Variants in STK17A observed in about 807,000 individuals in gnomAD.
STK17A encodes serine/threonine-protein kinase 17A.
A neutral mutation model predicts 43.7 loss-of-function variants in STK17A; 26 were observed. The ratio of observed to expected loss-of-function variants is 0.60; its 90% CI spans 0.44 to 0.83. The LOEUF (loss-of-function observed/expected upper bound fraction) is 0.83, where lower values mean the gene tolerates loss of function less well. Ranked by LOEUF, STK17A falls within the 40% of genes least tolerant of loss-of-function variation. The pLI is 0.00. For synonymous variants in STK17A, 191 were observed against 182.5 expected, an observed-to-expected ratio of 1.05 and a Z score of -0.38; for missense variants, 476 against 511.6, an observed-to-expected ratio of 0.93 and a Z score of 0.67.
At position 43,597,438 on chromosome 7, in the gene STK17A, G is replaced by C. The variant is rs116383434; in HGVS notation, c.419+1325G>C. On this transcript the variant is annotated intron_variant, in intron 2 of 6. Coordinates refer to ENST00000319357, the MANE Select transcript of STK17A (RefSeq NM_004760.3). ...ATTTTCACTCTTGTTGCCCAGACTG[G>C]AGTGCATTGGCACAATCTCGGCTTA... is the stretch of plus-strand genomic sequence containing the variant. Among the ~76,000 whole-genome samples, 1,342 of 151,990 alleles carry C rather than the reference G, an allele frequency of 8.8e-3. 16 individuals carry two copies. The highest frequency in any genetic ancestry group is 0.031 in the African/African-American group (1,289 of 41,426).
chr7:43,624,038 T>C, intron 6 of STK17A, 150 bp downstream of exon 6: 1 of 557,622 alleles, frequency 1.8e-6, no homozygotes, highest in South Asian at 5.3e-5. Flanking sequence ...AATGTTGACA[T>C]AAATCTAGGT....
At chr7:43,585,554 G>A (rs1445411183) in intron 1 of STK17A, among the ~76,000 whole-genome samples, 1 of 151,492 alleles carries the variant, frequency 6.6e-6, no homozygotes, top group African/African-American at 2.4e-5. Flanking sequence ...TGATATAAGA[G>A]CCTGGAACTG....
At chr7:43,609,339 TA>T (rs548885244) in intron 3 of STK17A, 299 of 152,428 alleles carry the variant, frequency 2.0e-3, no homozygotes, top group Admixed American at 5.0e-3. Flanking sequence ...TTGGAACCAG[TA>T]AGTGTGCTGG....
chr7:43,583,179 G>T lies in STK17A; in HGVS notation c.-65G>T. On this transcript the variant is annotated 5_prime_UTR_variant, in exon 1 of 7. Coordinates refer to ENST00000319357, the MANE Select transcript of STK17A (RefSeq NM_004760.3). ...CGGACCGGCACTAGGAGCCGGGGGCGGGTCCGTGACCCTCCGGCTGCTCGG... is the reference window on the plus strand; with the variant it reads ...CGGACCGGCACTAGGAGCCGGGGGCTGGTCCGTGACCCTCCGGCTGCTCGG... The T allele has an allele frequency of 6.6e-7, 1 of 1,510,272 alleles. No homozygotes were observed. The highest frequency in any genetic ancestry group is 8.9e-7 in the Non-Finnish European group (1 of 1,122,384). The allele number at this position is 1,510,272 out of a possible 1,614,324, so 93.6% of individuals were successfully genotyped here. A position where few individuals can be genotyped will look rare whatever the true frequency, so the allele number is the denominator to read the frequency against.
In STK17A at chr7:43,623,794, TCA is replaced by T; in HGVS notation, c.829_830del (p.Gln277AspfsTer7). 3.1e-6 allele frequency: 5 copies of T among 1,608,586 alleles called. No individual in the cohort carries two copies. Among genetic ancestry groups the T allele is most frequent in the Non-Finnish European group, 4.2e-6 (5 of 1,178,476 alleles). ...NDKQETFLNI[S>X]QMNLSYSEEE... is the part of the protein sequence containing the mutation. ...TAAACAAGAAACATTCTTAAACATCTCACAGATGAATTTAAGTTATTCTGAGG... is the reference window on the plus strand; with the variant it reads ...TAAACAAGAAACATTCTTAAACATCTCAGATGAATTTAAGTTATTCTGAGG... On this transcript the variant is annotated frameshift_variant, in exon 6 of 7. Transcript: ENST00000319357. LOFTEE classifies it high-confidence loss of function.
intron 3 of STK17A, among the ~76,000 whole-genome samples, chr7:43,618,679 C>T (rs978641403): frequency 4.6e-5 from 7 of 152,130 alleles, no homozygotes; most frequent in Non-Finnish European, 1.0e-4. Flanking sequence ...AATATATTTG[C>T]TTGTCTTTTT....
Position 43,608,372 on chromosome 7 carries a change from C to T in STK17A, c.536C>T (p.Thr179Ile). The change falls in exon 3 of 7, where the codon ACT becomes ATT. Residue 179 changes from threonine to isoleucine, a missense_variant. Thr to Ile is a moderately conservative substitution (Grantham distance 89, BLOSUM62 -1). Coordinates refer to ENST00000319357, the MANE Select transcript of STK17A (RefSeq NM_004760.3). ...TTAGAAGGTGTTCACTTTTTACACA[C>T]TCGTGATGTAGTTCATCTTGATTTG... ...QILEGVHFLHTRDVVHLDLKP... is the reference protein window; with the variant it reads ...QILEGVHFLHIRDVVHLDLKP... 1 of 1,608,940 alleles carries T rather than the reference C, an allele frequency of 6.2e-7. No homozygotes were observed. The highest frequency in any genetic ancestry group is 1.7e-5 in the Admixed American group (1 of 58,530).
rs2084316560 is a variant in STK17A, at chr7:43,624,777, A to G, written c.1180A>G (p.Ile394Val). The change falls in exon 7 of 7, where the codon ATT (isoleucine) becomes GTT (valine). Residue 394 changes from isoleucine to valine, a missense_variant. Transcript: ENST00000319357. ...SEKEKMEQKA[I>V]SKRFKFEEPL... is the part of the protein sequence containing the mutation. ...AAAAGAGAAAATGGAGCAAAAGGCC[A>G]TTTCCAAACGATTTAAATTTGAGGA... 1 of 1,612,390 alleles carries G rather than the reference A, an allele frequency of 6.2e-7. No individual in the cohort carries two copies.
intron 3 of STK17A, among the ~76,000 whole-genome samples, chr7:43,616,558 A>T (rs2083362929): frequency 6.6e-6 from 1 of 152,162 alleles, no homozygotes; most frequent in Non-Finnish European, 1.5e-5. Context: ...ATAATAGAAA[A>T]GGGTAGGAAG....
intron 2 of STK17A, among the ~76,000 whole-genome samples, chr7:43,602,065 C>T (rs1387053874): frequency 6.6e-6 from 1 of 152,180 alleles, no homozygotes; most frequent in Non-Finnish European, 1.5e-5. Context: ...GTCTTTGTTG[C>T]TCTCATGCCC....
intron 2 of STK17A, among the ~76,000 whole-genome samples, chr7:43,603,761 G>A (rs779034540): frequency 1.1e-4 from 17 of 152,178 alleles, no homozygotes; most frequent in African/African-American, 1.7e-4. Flanking sequence ...ACGTGGTGGC[G>A]GAGAGTGACA....
intron 3 of STK17A, among the ~76,000 whole-genome samples, chr7:43,614,613 G>A (rs1272047726): frequency 6.6e-6 from 1 of 152,144 alleles, no homozygotes; most frequent in Non-Finnish European, 1.5e-5. Context: ...TCAAAATTGG[G>A]CACAGTTAGT....
At position 43,626,787 on chromosome 7, in the gene STK17A, T is replaced by C. The variant is rs1349751894; in HGVS notation, c.*1945T>C. On this transcript the variant is annotated 3_prime_UTR_variant, in exon 7 of 7. Transcript: ENST00000319357. ...CTCGTAATAAATATATTTAATATAA[T>C]TGCTGTATTTGTGAGAAAGATCTGT... 1 of 152,242 alleles carries C rather than the reference T, an allele frequency of 6.6e-6. No individual in the cohort carries two copies. Among genetic ancestry groups the C allele is most frequent in the Non-Finnish European group, 1.5e-5 (1 of 68,042 alleles). 9.4% of individuals were successfully genotyped at this position (152,242 alleles called of 1,614,324 possible). A position where few individuals can be genotyped will look rare whatever the true frequency, so the allele number is the denominator to read the frequency against.
intron 4 of STK17A, among the ~76,000 whole-genome samples, chr7:43,621,479 GCTTT>G (rs1405727190): frequency 6.6e-6 from 1 of 152,242 alleles, no homozygotes; most frequent in East Asian, 1.9e-4. Context: ...TTGTTTTAAT[GCTTT>G]CTTTGTTGTT....
At chr7:43,598,804 C>G (rs560205379) in intron 2 of STK17A, among the ~76,000 whole-genome samples, 1 of 151,456 alleles carries the variant, frequency 6.6e-6, no homozygotes. Flanking sequence ...TCCTCTGTGA[C>G]CCAGGCTGGA....
At chr7:43,614,661 A>T (rs2152990737) in intron 3 of STK17A, among the ~76,000 whole-genome samples, 1 of 152,362 alleles carries the variant, frequency 6.6e-6, no homozygotes, top group Non-Finnish European at 1.5e-5. Context: ...CTGAAATCCC[A>T]TGAAATAGCT....
intron 1 of STK17A, among the ~76,000 whole-genome samples, chr7:43,584,774 T>A (rs1312295553): frequency 6.6e-6 from 1 of 152,238 alleles, no homozygotes; most frequent in Admixed American, 6.5e-5. Context: ...AAGATTTACT[T>A]CACTGCTAGG....
At chr7:43,587,638 G>A (rs1480309408) in intron 1 of STK17A, among the ~76,000 whole-genome samples, 1 of 151,440 alleles carries the variant, frequency 6.6e-6, no homozygotes, top group Non-Finnish European at 1.5e-5. Flanking sequence ...TTAAGCGTGT[G>A]TCATAAGTTA....
intron 1 of STK17A, among the ~76,000 whole-genome samples, chr7:43,585,111 C>G (rs773216901): frequency 6.6e-6 from 1 of 152,096 alleles, no homozygotes; most frequent in Non-Finnish European, 1.5e-5. Flanking sequence ...GTAGGCGAAT[C>G]ACTTGAACCC....
Sources: gnomAD v4.1 joint callset for allele counts (sites outside exome capture counted in the v4.1 genomes callset) on GRCh38, gnomAD v4.1.1 for gene constraint, MANE v1.5 for transcripts, NCBI Gene and HGNC (gene_info 2026-07-23, HGNC 2026-07-21) for gene names.